The following ZNF396 variants were observed in gnomAD, a reference collection of about 807,000 sequenced individuals.
ZNF396 encodes the protein zinc finger protein 396.
ZNF396 carries 14 observed loss-of-function variants against 20.5 expected under a neutral mutation model. The observed-to-expected ratio is 0.68, with a 90% CI of 0.45 to 1.07. The LOEUF (loss-of-function observed/expected upper bound fraction) is 1.07, where lower values mean the gene tolerates loss of function less well. Ranked by LOEUF, ZNF396 falls within the 50% of genes least tolerant of loss-of-function variation. ZNF396 has a pLI of 0.00. For synonymous variants in ZNF396, 119 were observed against 140.6 expected, an observed-to-expected ratio of 0.85 and a Z score of 1.08; for missense variants, 347 against 390.1, an observed-to-expected ratio of 0.89 and a Z score of 0.93.
At chr18:35,375,596 A>G (rs2045245949) in intron 1 of ZNF396, among the ~76,000 whole-genome samples, 1 of 152,034 alleles carries the variant, frequency 6.6e-6, no homozygotes, top group Non-Finnish European at 1.5e-5. Flanking sequence ...AATTCACAAT[A>G]CCATCACAAT....
At position 35,369,377 on chromosome 18, in the gene ZNF396, G is replaced by A. The variant is rs779907741; in HGVS notation, c.846C>T (p.Asp282=). ...IHSGKKPYAC[D]ECAKAFSRSA... ...TTCGGCTGAATGCCTTTGCACACTCGTCACATGCATAAGGTTTCTTTCCAC... is the reference window on the plus strand; with the variant it reads ...TTCGGCTGAATGCCTTTGCACACTCATCACATGCATAAGGTTTCTTTCCAC... Residue 282 remains aspartate, a synonymous_variant, in exon 4 of 4, where the codon GAC becomes GAT. Coordinates refer to ENST00000589332, the MANE Select transcript of ZNF396 (RefSeq NM_001322286.2). 12 of 1,614,048 alleles carry A rather than the reference G, an allele frequency of 7.4e-6. No homozygotes were observed. The highest frequency in any genetic ancestry group is 1.6e-4 in the Middle Eastern group (1 of 6,084).
In ZNF396 at chr18:35,373,545, A is replaced by G. The variant is rs1337817376; in HGVS notation, c.473T>C (p.Ile158Thr). The G allele has an allele frequency of 6.2e-7, 1 of 1,614,138 alleles. No individual in the cohort carries two copies. The highest frequency in any genetic ancestry group is 8.5e-7 in the Non-Finnish European group (1 of 1,180,016). ...MIAEKLAPSE[I>T]TEELPSSQLM... Reference sequence around the variant, plus strand: ...CTGGCTACTTGGCAATTCCTCAGTGATTTCTGAAGGTGCTAGCTTCTCTGC... The same window carrying G: ...CTGGCTACTTGGCAATTCCTCAGTGGTTTCTGAAGGTGCTAGCTTCTCTGC... The change falls in exon 3 of 4, where the codon ATC becomes ACC. Residue 158 changes from isoleucine (I) to threonine (T), a missense_variant. By Grantham distance (89) the Ile-to-Thr change is moderately conservative (BLOSUM62 -1). Coordinates refer to ENST00000589332, the MANE Select transcript of ZNF396 (RefSeq NM_001322286.2).
rs1421553876 is a variant in ZNF396 at position 35,369,520 on chromosome 18, CT to C, written c.702del (p.Asp235MetfsTer60). On this transcript the variant is annotated frameshift_variant, in exon 4 of 4. Coordinates refer to ENST00000589332, the MANE Select transcript of ZNF396 (RefSeq NM_001322286.2). LOFTEE classifies it low-confidence loss of function (END_TRUNC). ...QSSTYRGTYE[Q>X]DGRFEKRQGN... ...CCTTGTCTCTTTTCAAACCTACCAT[CT>C]TGTTCATAGGTTCCTCTATATGTGG... The C allele has an allele frequency of 7.4e-6, 12 of 1,614,002 alleles. No homozygotes were observed. Among genetic ancestry groups the C allele is most frequent in the Non-Finnish European group, 1.7e-6 (2 of 1,179,970 alleles).
intron 3 of ZNF396, among the ~76,000 whole-genome samples, chr18:35,370,820 G>A (rs1010950856): frequency 3.9e-5 from 6 of 152,144 alleles, no homozygotes; most frequent in African/African-American, 1.4e-4. Flanking sequence ...GCCCATGGTG[G>A]CATTTTAACT....
intron 3 of ZNF396, 83 bp downstream of exon 3, chr18:35,373,373 C>T (rs1417311787): frequency 2.7e-6 from 4 of 1,491,058 alleles, no homozygotes; most frequent in African/African-American, 1.4e-5. Flanking sequence ...GATTTGAGGC[C>T]TCTTGCATAA....
At chr18:35,376,954 A>C (rs1017252334) in intron 1 of ZNF396, among the ~76,000 whole-genome samples, 3 of 150,912 alleles carry the variant, frequency 2.0e-5, no homozygotes, top group Non-Finnish European at 3.0e-5. Context: ...CCATCTCCCG[A>C]CCTCCCGCGC....
Position 35,375,903 on chromosome 18 carries a change from C to T in ZNF396, c.-73+1375G>A, listed in dbSNP as rs185775952. On this transcript the variant is annotated intron_variant, in intron 1 of 3. Coordinates refer to ENST00000589332, the MANE Select transcript of ZNF396 (RefSeq NM_001322286.2). ...GATTGCAGACGTGTACCACCACGCC[C>T]GGCTAATTTTTATAATTTTAGTAGA... Among the ~76,000 whole-genome samples the T allele has an allele frequency of 3.2e-4, 48 of 152,134 alleles. 1 individual carries two copies. The East Asian group carries it at 8.5e-3, about 27-fold the overall frequency.
chr18:35,373,787 G>C (rs903575147), intron 2 of ZNF396, 89 bp downstream of exon 2: 1 of 1,525,220 alleles, frequency 6.6e-7, no homozygotes, highest in African/African-American at 1.4e-5. Flanking sequence ...TGTGCTGAGT[G>C]GGAATACAGT....
At chr18:35,377,085 G>C (rs918920169) in intron 1 of ZNF396, among the ~76,000 whole-genome samples, 193 bp downstream of exon 1, 1 of 152,140 alleles carries the variant, frequency 6.6e-6, no homozygotes, top group African/African-American at 2.4e-5. Context: ...AGGGGAAGGG[G>C]TGCGCGGACT....
At position 35,369,300 on chromosome 18, in the gene ZNF396, T is replaced by A; in HGVS notation, c.923A>T (p.Lys308Met). ...AAAGGCTTTGCCACAGTCATGACAC[T>A]TGTAGGGCTTCTCACCAGTATGGGT... ...RRTHTGEKPY[K>M]CHDCGKAFSQ... The change falls in exon 4 of 4, where the codon AAG becomes ATG. Residue 308 changes from lysine (K) to methionine (M), a missense_variant. Transcript: ENST00000589332. 6.2e-7 allele frequency: 1 copy of A among 1,614,224 alleles called. No individual in the cohort carries two copies. Among genetic ancestry groups the A allele is most frequent in the Non-Finnish European group, 8.5e-7 (1 of 1,180,044 alleles).
In ZNF396 at chr18:35,368,150, A is replaced by G; in HGVS notation, c.*1065T>C. 1 of 307,162 alleles carries G rather than the reference A, an allele frequency of 3.3e-6. No homozygotes were observed. The highest frequency in any genetic ancestry group is 6.0e-6 in the Non-Finnish European group (1 of 167,122). The allele number at this position is 307,162 out of a possible 1,614,324, so 19.0% of individuals were successfully genotyped here. A position where few individuals can be genotyped will look rare whatever the true frequency, so the allele number is the denominator to read the frequency against. On this transcript the variant is annotated 3_prime_UTR_variant, in exon 4 of 4. Coordinates refer to ENST00000589332, the MANE Select transcript of ZNF396 (RefSeq NM_001322286.2). Reference sequence around the variant, plus strand: ...ATTAAGATGATCATCCATCTTACAGAAGCACCCATAGATTAATATTGTTAT... The same window carrying G: ...ATTAAGATGATCATCCATCTTACAGGAGCACCCATAGATTAATATTGTTAT...
chr18:35,369,269 C>G lies in ZNF396; in HGVS notation c.954G>C (p.Gln318His), dbSNP rs146899138. 1.2e-6 allele frequency: 2 copies of G among 1,611,820 alleles called. No homozygotes were observed. The highest frequency in any genetic ancestry group is 2.2e-5 in the East Asian group (1 of 44,880). Residue 318 changes from glutamine to histidine, a missense_variant, in exon 4 of 4, where the codon CAG becomes CAC. Gln to His is a conservative substitution (Grantham distance 24). Coordinates refer to ENST00000589332, the MANE Select transcript of ZNF396 (RefSeq NM_001322286.2). ...KCHDCGKAFS[Q>H]SSNLFRHRKR... ...TCCTATGTCTAAAAAGATTTGAGCT[C>G]TGACTAAAGGCTTTGCCACAGTCAT...
At position 35,374,060 on chromosome 18, in the gene ZNF396, T is replaced by A. The variant is rs144629150; in HGVS notation, c.233A>T (p.His78Leu). 5 of 1,614,090 alleles carry A rather than the reference T, an allele frequency of 3.1e-6. No individual in the cohort carries two copies. In the African/African-American group the frequency reaches 4.0e-5, roughly 13 times the overall value. ...EALSRLWELCHLWLRPEVHTK... is the reference protein window; with the variant it reads ...EALSRLWELCLLWLRPEVHTK... ...GTGCACTTCCGGCCTCAGCCAGAGA[T>A]GACAAAGTTCCCAGAGCCGGCTCAG... Residue 78 changes from histidine to leucine, a missense_variant, in exon 2 of 4, where the codon CAT becomes CTT. His to Leu is a moderately conservative substitution (Grantham distance 99). Coordinates refer to ENST00000589332, the MANE Select transcript of ZNF396 (RefSeq NM_001322286.2). The surrounding 1 kb of genome is among the most constrained non-coding windows in gnomAD (Gnocchi z 4.3).
rs1278469567 is a variant in ZNF396 at position 35,374,262 on chromosome 18, G to A, written c.31C>T (p.Leu11Phe). The A allele has an allele frequency of 1.9e-6, 3 of 1,614,082 alleles. No homozygotes were observed. The highest frequency in any genetic ancestry group is 1.1e-5 in the South Asian group (1 of 91,082). The change falls in exon 2 of 4, where the codon CTC (leucine) becomes TTC (phenylalanine). Residue 11 changes from leucine to phenylalanine, a missense_variant. Leu to Phe is a conservative substitution (Grantham distance 22). Coordinates refer to ENST00000589332, the MANE Select transcript of ZNF396 (RefSeq NM_001322286.2). This position sits in a 1 kb window ranked among gnomAD's most constrained non-coding sequence, Gnocchi z 4.3. ...CACTCCTCTGAAGTTTGTGTTAGGA[G>A]TGATGATGACTTTCCCAATTTTGCA... The part of the protein sequence containing the change: MSAKLGKSSS[L>F]LTQTSEECNG...
At position 35,373,541 on chromosome 18, in the gene ZNF396, A is replaced by T. The variant is rs1391183045; in HGVS notation, c.477T>A (p.Thr159=). 1.2e-6 allele frequency: 2 copies of T among 1,614,044 alleles called. No homozygotes were observed. The highest frequency in any genetic ancestry group is 2.7e-5 in the African/African-American group (2 of 74,920). ...TGAGCTGGCTACTTGGCAATTCCTC[A>T]GTGATTTCTGAAGGTGCTAGCTTCT... ...IAEKLAPSEI[T]EELPSSQLMP... The change falls in exon 3 of 4, where the codon ACT becomes ACA. Residue 159 remains threonine (T), a synonymous_variant. Transcript: ENST00000589332.
chr18:35,368,775 A>G lies in ZNF396; in HGVS notation c.*440T>C, dbSNP rs543859126. On this transcript the variant is annotated 3_prime_UTR_variant, in exon 4 of 4. Coordinates refer to ENST00000589332, the MANE Select transcript of ZNF396 (RefSeq NM_001322286.2). ...GCCAGGAATTCTTTTTGAGTGCTTTAATTTTTGGTCTTTAGAATTCTAGTG... is the reference window on the plus strand; with the variant it reads ...GCCAGGAATTCTTTTTGAGTGCTTTGATTTTTGGTCTTTAGAATTCTAGTG... 5.0e-6 allele frequency: 5 copies of G among 990,268 alleles called. No homozygotes were observed. The African/African-American group carries it at 5.2e-5, about 10-fold the overall frequency. The allele number at this position is 990,268 out of a possible 1,614,324, so 61.3% of individuals were successfully genotyped here.
In ZNF396 at chr18:35,369,258, A is replaced by C. The variant is rs766963640; in HGVS notation, c.965T>G (p.Leu322Arg). The C allele has an allele frequency of 6.2e-7, 1 of 1,608,460 alleles. No individual in the cohort carries two copies. The highest frequency in any genetic ancestry group is 2.2e-5 in the East Asian group (1 of 44,850). Residue 322 changes from leucine to arginine, a missense_variant, in exon 4 of 4, where the codon CTT (leucine) becomes CGT (arginine). By Grantham distance (102) the Leu-to-Arg change is moderately radical (BLOSUM62 -2). Coordinates refer to ENST00000589332, the MANE Select transcript of ZNF396 (RefSeq NM_001322286.2). ...AATGTGTCTTTTCCTATGTCTAAAA[A>C]GATTTGAGCTCTGACTAAAGGCTTT... ...CGKAFSQSSN[L>R]FRHRKRHIRK...
In ZNF396 at chr18:35,367,916, C is replaced by T. The variant is rs1737887438; in HGVS notation, c.*1299G>A. 6.6e-6 allele frequency: 1 copy of T among 152,202 alleles called. No homozygotes were observed. The highest frequency in any genetic ancestry group is 6.5e-5 in the Admixed American group (1 of 15,278). 9.4% of individuals were successfully genotyped at this position (152,202 alleles called of 1,614,324 possible). On this transcript the variant is annotated 3_prime_UTR_variant, in exon 4 of 4. Coordinates refer to ENST00000589332, the MANE Select transcript of ZNF396 (RefSeq NM_001322286.2). ...CTCATCTTACTAAGAATACAGAAGA[C>T]TCTGAAAAGGTTGTCTTGTGATGCT...
rs1178728995 is a variant in ZNF396 at position 35,367,855 on chromosome 18, A to G, written c.*1360T>C. The G allele has an allele frequency of 6.6e-6, 1 of 152,218 alleles. No individual in the cohort carries two copies. The highest frequency in any genetic ancestry group is 2.1e-4 in the South Asian group (1 of 4,832). The allele number at this position is 152,218 out of a possible 1,614,324, so 9.4% of individuals were successfully genotyped here. On this transcript the variant is annotated 3_prime_UTR_variant, in exon 4 of 4. Coordinates refer to ENST00000589332, the MANE Select transcript of ZNF396 (RefSeq NM_001322286.2). ...TGTCCATATGTACAAGAGCATCAAA[A>G]TCCAGGGTCTCATTTCATGACAGCG...
Sources: allele counts gnomAD v4.1 joint callset (sites outside exome capture counted in the v4.1 genomes callset), GRCh38; gene constraint gnomAD v4.1.1; non-coding constraint Gnocchi (gnomAD v3.1); transcripts MANE v1.5; gene names NCBI Gene and HGNC (gene_info 2026-07-23, HGNC 2026-07-21).